Variants in THSD4 observed in about 807,000 individuals in gnomAD.
The protein encoded by THSD4 is thrombospondin type-1 domain-containing protein 4.
A neutral mutation model predicts 119.0 loss-of-function variants in THSD4; 69 were observed. That is an observed-to-expected ratio of 0.58 (90% CI 0.48 to 0.71). The LOEUF (loss-of-function observed/expected upper bound fraction) is 0.71. Ranked by LOEUF, THSD4 falls within the 30% of genes least tolerant of loss-of-function variation. The pLI, the probability that THSD4 is intolerant of heterozygous loss-of-function variation, is 0.00. For synonymous variants in THSD4, 524 were observed against 540.4 expected (o/e 0.97, Z 0.42); for missense variants, 1,393 against 1,391.1 (o/e 1.00, Z -0.02).
chr15:71,135,991 G>GTTTTTTTTT (rs10540241), intron 1 of THSD4, among the ~76,000 whole-genome samples: 3 of 69,102 alleles, frequency 4.3e-5, no homozygotes, highest in Admixed American at 1.9e-4. Flanking sequence ...GTTTAGTTTA[G>GTTTTTTTTT]TTTTTTTTTT....
intron 3 of THSD4, among the ~76,000 whole-genome samples, chr15:71,172,908 A>G (rs2141408118): frequency 6.6e-6 from 1 of 151,674 alleles, no homozygotes; most frequent in South Asian, 2.1e-4. Flanking sequence ...CAACATAATA[A>G]AGACCATATA....
At position 71,464,861 on chromosome 15, in the gene THSD4, A is replaced by G. The variant is rs79133662; in HGVS notation, c.1152+53038A>G. On this transcript the variant is annotated intron_variant, in intron 7 of 17. Transcript: ENST00000261862. Reference sequence around the variant, plus strand: ...TCTTCCAAAACTATGACCTTCCATTAGAGTAAGACATGAAAACACTACCCC... The same window carrying G: ...TCTTCCAAAACTATGACCTTCCATTGGAGTAAGACATGAAAACACTACCCC... 6.2e-3 allele frequency among the ~76,000 whole-genome samples: 942 copies of G among 152,304 alleles called. 13 individuals carry two copies. Among genetic ancestry groups the G allele is most frequent in the African/African-American group, 0.022 (897 of 41,572 alleles).
chr15:71,597,009 A>C (rs775342838), intron 7 of THSD4, among the ~76,000 whole-genome samples: 1 of 152,202 alleles, frequency 6.6e-6, no homozygotes, highest in Non-Finnish European at 1.5e-5. Flanking sequence ...TGCTAAACCA[A>C]AATATTTAAC....
At chr15:71,562,859 T>C (rs1170091677) in intron 7 of THSD4, among the ~76,000 whole-genome samples, 1 of 152,094 alleles carries the variant, frequency 6.6e-6, no homozygotes, top group African/African-American at 2.4e-5. Flanking sequence ...TGTGCCACCA[T>C]GCTCGGCTAA....
intron 7 of THSD4, among the ~76,000 whole-genome samples, chr15:71,590,928 C>T (rs1052876472): frequency 5.8e-5 from 8 of 137,740 alleles, no homozygotes; most frequent in Admixed American, 2.5e-4. Flanking sequence ...ATGGCTTGAA[C>T]CCGGGAGGCA....
At chr15:71,402,837 C>T (rs777128012) in intron 6 of THSD4, among the ~76,000 whole-genome samples, 8 of 152,112 alleles carry the variant, frequency 5.3e-5, no homozygotes, top group African/African-American at 1.4e-4. Context: ...CTACATATGC[C>T]GTGATTATAT....
intron 7 of THSD4, among the ~76,000 whole-genome samples, chr15:71,657,324 AT>A (rs200333105): frequency 0.014 from 2,102 of 152,176 alleles, 52 homozygotes; most frequent in African/African-American, 0.048. Flanking sequence ...TGTCATTCAG[AT>A]CCTAGTCCAG....
intron 7 of THSD4, among the ~76,000 whole-genome samples, chr15:71,568,014 G>C (rs1256647557): frequency 6.6e-6 from 1 of 151,760 alleles, no homozygotes; most frequent in Non-Finnish European, 1.5e-5. Flanking sequence ...TTATTATCCT[G>C]TTTGTGCCTT....
intron 7 of THSD4, among the ~76,000 whole-genome samples, chr15:71,570,626 A>C (rs1310339563): frequency 6.6e-6 from 1 of 151,950 alleles, no homozygotes; most frequent in African/African-American, 2.4e-5. Flanking sequence ...CACATTTTAC[A>C]CTACTTCATA....
In THSD4 at chr15:71,519,178, G is replaced by A. The variant is rs9806638; in HGVS notation, c.1152+107355G>A. Among the ~76,000 whole-genome samples the A allele has an allele frequency of 9.5e-4, 145 of 152,186 alleles. No homozygotes were observed. The East Asian group carries it at 0.023, about 24-fold the overall frequency. On this transcript the variant is annotated intron_variant, in intron 7 of 17. Coordinates refer to ENST00000261862, the MANE Select transcript of THSD4 (RefSeq NM_024817.3). ...GGGCAGAGGAAACAGCAAGCGCAAA[G>A]GCCCTGGGGTGATTGAGTGCCATGT...
chr15:71,561,005 C>T (rs566579360), intron 7 of THSD4, among the ~76,000 whole-genome samples: 188 of 141,788 alleles, frequency 1.3e-3, no homozygotes, highest in African/African-American at 4.2e-3. Context: ...GATGGAGTCT[C>T]GCTGTGTCGC....
At chr15:71,611,574 A>G (rs1339323629) in intron 7 of THSD4, among the ~76,000 whole-genome samples, 3 of 152,346 alleles carry the variant, frequency 2.0e-5, no homozygotes, top group Non-Finnish European at 4.4e-5. Context: ...AAGAGCTCCC[A>G]GTCTAGACAT....
intron 6 of THSD4, among the ~76,000 whole-genome samples, chr15:71,326,700 A>AAAT (rs1555464320): frequency 1.5e-4 from 1 of 6,454 alleles, no homozygotes; most frequent in South Asian, 0.014. Flanking sequence ...AAAAAAAAAA[A>AAAT]ATATATATAT....
intron 8 of THSD4, among the ~76,000 whole-genome samples, chr15:71,695,853 A>G (rs2052155645): frequency 6.6e-6 from 1 of 152,194 alleles, no homozygotes; most frequent in African/African-American, 2.4e-5. Context: ...CATCTATACA[A>G]TGAAGCTAAT....
rs530078432 is a variant in THSD4 at position 71,695,635 on chromosome 15, A to G, written c.1358-32914A>G. 9.2e-5 allele frequency among the ~76,000 whole-genome samples: 14 copies of G among 152,204 alleles called. No homozygotes were observed. In the South Asian group the frequency reaches 2.9e-3, roughly 32 times the overall value. On this transcript the variant is annotated intron_variant, in intron 8 of 17. Transcript: ENST00000261862. ...GAAGGGACAGATGATGGTGACCACT[A>G]CAGAGACAGGTAAGAAGGTAGCCTG... is the stretch of plus-strand genomic sequence containing the variant.
Position 71,781,371 on chromosome 15 carries a change from G to C in THSD4, c.*3997G>C, listed in dbSNP as rs2053996054. ...TTGACTAAGCTCAGTGTGAGTCAAA[G>C]TGGGATGGAACCATGCAAAAACAAA... On this transcript the variant is annotated 3_prime_UTR_variant, in exon 18 of 18. Coordinates refer to ENST00000261862, the MANE Select transcript of THSD4 (RefSeq NM_024817.3). 6.5e-6 allele frequency: 1 copy of C among 153,214 alleles called. No homozygotes were observed. Among genetic ancestry groups the C allele is most frequent in the African/African-American group, 2.4e-5 (1 of 41,450 alleles). 9.5% of individuals were successfully genotyped at this position (153,214 alleles called of 1,614,324 possible).
intron 6 of THSD4, among the ~76,000 whole-genome samples, chr15:71,375,575 C>T (rs1262415542): frequency 6.6e-6 from 1 of 152,158 alleles, no homozygotes; most frequent in Non-Finnish European, 1.5e-5. Flanking sequence ...TTGACAGATT[C>T]CACAAGCAGT....
At chr15:71,418,871 T>C (rs1315384549) in intron 7 of THSD4, among the ~76,000 whole-genome samples, 1 of 109,010 alleles carries the variant, frequency 9.2e-6, no homozygotes, top group African/African-American at 3.1e-5. Flanking sequence ...TCTGTTCAAG[T>C]ATTGGATTTC....
upstream of THSD4, chr15:71,112,241 G>T (rs1332625198): frequency 1.2e-6 from 2 of 1,607,474 alleles, no homozygotes; most frequent in Non-Finnish European, 1.7e-6. Flanking sequence ...GATCAGTGAG[G>T]TGGGGTGGTG....
Sources: gnomAD v4.1 joint callset for allele counts (sites outside exome capture counted in the v4.1 genomes callset) on GRCh38, gnomAD v4.1.1 for gene constraint, MANE v1.5 for transcripts, NCBI Gene and HGNC (gene_info 2026-07-23, HGNC 2026-07-21) for gene names.